The following ZRANB3 variants were observed in gnomAD, a reference collection of about 807,000 sequenced individuals.
ZRANB3 encodes DNA annealing helicase and endonuclease ZRANB3.
In ZRANB3, 125 loss-of-function variants were observed where a neutral mutation model predicts 133.8. The observed-to-expected ratio is 0.93, with a 90% confidence interval of 0.81 to 1.08. ZRANB3 has a LOEUF of 1.08. Among genes scored for constraint, ZRANB3 ranks in the 50% least tolerant of loss-of-function variants. The pLI is 0.00. For missense variants in ZRANB3, 1,229 were observed against 1,275.5 expected (o/e 0.96, Z 0.56); for synonymous variants, 387 against 432.7 (o/e 0.89, Z 1.31).
chr2:135,357,735 C>T (rs1424019766), intron 3 of ZRANB3, among the ~76,000 whole-genome samples: 1 of 152,194 alleles, frequency 6.6e-6, no homozygotes, highest in Non-Finnish European at 1.5e-5. Context: ...ATTTTAAAGT[C>T]TCTCTCTGAT....
At chr2:135,375,840 G>C (rs1397178633) in intron 3 of ZRANB3, among the ~76,000 whole-genome samples, 4 of 151,536 alleles carry the variant, frequency 2.6e-5, no homozygotes, top group Non-Finnish European at 4.4e-5. Flanking sequence ...TGGGCAACAA[G>C]AGCGAAACTC....
intron 15 of ZRANB3, among the ~76,000 whole-genome samples, chr2:135,222,573 ATGG>A (rs1358886472): frequency 6.6e-6 from 1 of 152,120 alleles, no homozygotes; most frequent in Non-Finnish European, 1.5e-5. Flanking sequence ...TCACAAATGT[ATGG>A]TGACTTTTTC....
intron 6 of ZRANB3, among the ~76,000 whole-genome samples, chr2:135,318,377 C>T (rs1398548221): frequency 6.6e-6 from 1 of 151,822 alleles, no homozygotes; most frequent in Non-Finnish European, 1.5e-5. Flanking sequence ...TGGGAAGATC[C>T]ACTGTTTGGG....
intron 1 of ZRANB3, among the ~76,000 whole-genome samples, chr2:135,514,459 T>TA (rs1553508062): frequency 5.3e-5 from 8 of 152,336 alleles, no homozygotes; most frequent in Non-Finnish European, 1.2e-4. Context: ...TATTGGTGTA[T>TA]AAAAATGCTT....
chr2:135,200,992 G>C (rs1487753295), intron 20 of ZRANB3, among the ~76,000 whole-genome samples: 1 of 152,056 alleles, frequency 6.6e-6, no homozygotes, highest in Non-Finnish European at 1.5e-5. Context: ...CTGACCTCAA[G>C]TGATCCATCC....
At chr2:135,410,799 A>G (rs1343805099) in intron 2 of ZRANB3, among the ~76,000 whole-genome samples, 1 of 152,172 alleles carries the variant, frequency 6.6e-6, no homozygotes, top group East Asian at 1.9e-4. Flanking sequence ...AAAAGTGGGC[A>G]AAGGGCATGA....
chr2:135,233,525 G>C (rs1054394015), intron 12 of ZRANB3, among the ~76,000 whole-genome samples: 2 of 152,180 alleles, frequency 1.3e-5, no homozygotes, highest in Middle Eastern at 3.2e-3. Flanking sequence ...AGGAAAAAAT[G>C]TTAAGGGCAG....
chr2:135,435,656 ATTTT>A (rs1409538782), intron 2 of ZRANB3, among the ~76,000 whole-genome samples: 1 of 151,920 alleles, frequency 6.6e-6, no homozygotes, highest in Non-Finnish European at 1.5e-5. Context: ...CACATCTGTT[ATTTT>A]TTTGACTTTT....
At chr2:135,453,161 T>C (rs956079897) in intron 2 of ZRANB3, among the ~76,000 whole-genome samples, 5 of 152,248 alleles carry the variant, frequency 3.3e-5, no homozygotes, top group African/African-American at 4.8e-5. Flanking sequence ...TCTGAAGCCA[T>C]AGCCCAAGCT....
chr2:135,415,125 A>C (rs1002854881), intron 2 of ZRANB3, among the ~76,000 whole-genome samples: 8 of 129,776 alleles, frequency 6.2e-5, no homozygotes, highest in Non-Finnish European at 1.0e-4. Flanking sequence ...GGAAGGAAAT[A>C]GAGACAAAAA....
intron 2 of ZRANB3, among the ~76,000 whole-genome samples, chr2:135,475,276 C>T (rs535024551): frequency 3.3e-5 from 5 of 152,336 alleles, no homozygotes; most frequent in Non-Finnish European, 7.3e-5. Context: ...ATTCACTTAA[C>T]ATTGGGGTCC....
chr2:135,302,499 T>A (rs548013379), intron 8 of ZRANB3, among the ~76,000 whole-genome samples: 1 of 151,714 alleles, frequency 6.6e-6, no homozygotes, highest in East Asian at 1.9e-4. Context: ...CTATTTATTG[T>A]CAACGCTTCT....
intron 2 of ZRANB3, among the ~76,000 whole-genome samples, chr2:135,465,311 T>C (rs1163860765): frequency 7.2e-6 from 1 of 138,650 alleles, no homozygotes; most frequent in Non-Finnish European, 1.5e-5. Flanking sequence ...ATCTTACCCA[T>C]TGGTTCCTAT....
chr2:135,292,209 C>T (rs1300869150), intron 8 of ZRANB3, among the ~76,000 whole-genome samples: 11 of 152,206 alleles, frequency 7.2e-5, no homozygotes, highest in African/African-American at 2.7e-4. Context: ...TACAGTCCCA[C>T]CAACAGTGTA....
At chr2:135,357,689 G>A (rs1462979707) in intron 3 of ZRANB3, among the ~76,000 whole-genome samples, 1 of 152,200 alleles carries the variant, frequency 6.6e-6, no homozygotes, top group African/African-American at 2.4e-5. Flanking sequence ...TGGGATTGCA[G>A]GTGTGTGCCA....
chr2:135,235,523 A>C (rs13000011), intron 12 of ZRANB3, among the ~76,000 whole-genome samples: 16,683 of 152,154 alleles, frequency 0.11, 1,167 homozygotes, highest in South Asian at 0.32. Flanking sequence ...ATGAACATTG[A>C]TGCAAAAATC....
intron 3 of ZRANB3, among the ~76,000 whole-genome samples, chr2:135,388,642 T>C (rs1008001092): frequency 1.3e-5 from 2 of 152,130 alleles, no homozygotes; most frequent in African/African-American, 4.8e-5. Context: ...TAAGAGGAAA[T>C]AGTTATGGCT....
intron 5 of ZRANB3, among the ~76,000 whole-genome samples, 195 bp from the exon 6 acceptor site, chr2:135,345,830 G>A (rs1024370198): frequency 2.0e-5 from 3 of 151,986 alleles, no homozygotes; most frequent in Admixed American, 2.0e-4. Flanking sequence ...ATCTTTCTAT[G>A]TTGATATAAG....
chr2:135,508,493 T>C (rs930761709), intron 1 of ZRANB3, among the ~76,000 whole-genome samples: 5 of 152,124 alleles, frequency 3.3e-5, no homozygotes, highest in South Asian at 4.1e-4. Context: ...AATCAAAAAT[T>C]TGTTTTAATA....
Sources: gnomAD v4.1 joint callset for allele counts (sites outside exome capture counted in the v4.1 genomes callset) on GRCh38, gnomAD v4.1.1 for gene constraint, MANE v1.5 for transcripts, NCBI Gene and HGNC (gene_info 2026-07-23, HGNC 2026-07-21) for gene names.